Variants in TGFA observed in about 807,000 individuals in gnomAD.
TGFA encodes the protein transforming growth factor alpha, also known as protransforming growth factor alpha.
TGFA carries 12 observed loss-of-function variants against 21.7 expected under a neutral mutation model. That is an observed-to-expected ratio of 0.55 (90% CI 0.35 to 0.90). The LOEUF is 0.90. Among genes scored for constraint, TGFA ranks in the 40% least tolerant of loss-of-function variants. The pLI, the probability that TGFA is intolerant of heterozygous loss-of-function variation, is 0.01. For synonymous variants in TGFA, 79 were observed against 88.1 expected (o/e 0.90, Z 0.58); for missense variants, 178 against 210.8 (o/e 0.84, Z 0.96).
chr2:70,487,367 T>C (rs1290470651), intron 2 of TGFA, among the ~76,000 whole-genome samples: 1 of 152,232 alleles, frequency 6.6e-6, no homozygotes, highest in Non-Finnish European at 1.5e-5. Context: ...TTTGGATTTT[T>C]TCAAATTTTG....
intron 1 of TGFA, among the ~76,000 whole-genome samples, chr2:70,521,514 CGA>C (rs1553502253): frequency 2.0e-5 from 3 of 151,152 alleles, no homozygotes; most frequent in Admixed American, 1.3e-4. Flanking sequence ...AGAGATTAAA[CGA>C]GAGACACATG....
At chr2:70,475,982 T>A (rs888431258) in intron 2 of TGFA, among the ~76,000 whole-genome samples, 3 of 144,944 alleles carry the variant, frequency 2.1e-5, no homozygotes, top group Non-Finnish European at 3.0e-5. Context: ...AAGATCACAC[T>A]CTCTGCCACT....
intron 2 of TGFA, among the ~76,000 whole-genome samples, chr2:70,485,660 T>C (rs1553496486): frequency 6.6e-6 from 1 of 152,176 alleles, no homozygotes; most frequent in African/African-American, 2.4e-5. Context: ...TTGAGACTTT[T>C]TTCCCTCCCT....
At position 70,485,246 on chromosome 2, in the gene TGFA, C is replaced by A. The variant is rs565428314; in HGVS notation, c.95-19510G>T. On this transcript the variant is annotated intron_variant, in intron 2 of 5. Transcript: ENST00000295400. ...CGCCTACCTTCACAGTCATCCCCCC[C>A]CTTTCTTTTTGAGACAGACTCTTGC... Among the ~76,000 whole-genome samples, 20 of 152,244 alleles carry A rather than the reference C, an allele frequency of 1.3e-4. No individual in the cohort carries two copies. In the South Asian group the frequency reaches 2.5e-3, roughly 19 times the overall value.
At chr2:70,461,961 G>A (rs1368124487) in intron 3 of TGFA, among the ~76,000 whole-genome samples, 1 of 151,938 alleles carries the variant, frequency 6.6e-6, no homozygotes, top group East Asian at 1.9e-4. Flanking sequence ...TGTCATTTTA[G>A]GTTCTCTGGA....
At chr2:70,498,100 G>A (rs1671628766) in intron 2 of TGFA, among the ~76,000 whole-genome samples, 1 of 152,108 alleles carries the variant, frequency 6.6e-6, no homozygotes, top group African/African-American at 2.4e-5. Flanking sequence ...TAAATCATTT[G>A]GTGAGATCTC....
At chr2:70,489,496 G>T (rs1472290370) in intron 2 of TGFA, among the ~76,000 whole-genome samples, 1 of 152,220 alleles carries the variant, frequency 6.6e-6, no homozygotes, top group African/African-American at 2.4e-5. Context: ...GGGCGCCCCA[G>T]TCTCCAACTC....
chr2:70,447,520 T>C lies in TGFA; in HGVS notation c.*3339A>G, dbSNP rs1669917068. On this transcript the variant is annotated 3_prime_UTR_variant, in exon 6 of 6. Coordinates refer to ENST00000295400, the MANE Select transcript of TGFA (RefSeq NM_003236.4). Reference sequence around the variant, plus strand: ...ATATTAACCTTTTCAGTGCAACATATACAGACATCAGAGTAAGGAGTTCTA... The same window carrying C: ...ATATTAACCTTTTCAGTGCAACATACACAGACATCAGAGTAAGGAGTTCTA... 1 of 152,528 alleles carries C rather than the reference T, an allele frequency of 6.6e-6. No individual in the cohort carries two copies. The highest frequency in any genetic ancestry group is 1.5e-5 in the Non-Finnish European group (1 of 68,032). The allele number at this position is 152,528 out of a possible 1,614,324, so 9.4% of individuals were successfully genotyped here.
rs527324202 is a variant in TGFA at position 70,552,580 on chromosome 2, C to T, written c.40+1148G>A. Among the ~76,000 whole-genome samples, 22 of 152,274 alleles carry T rather than the reference C, an allele frequency of 1.4e-4. 1 individual carries two copies. Among genetic ancestry groups the T allele is most frequent in the Admixed American group, 1.2e-3 (19 of 15,292 alleles). ...CTGGGAGCATCCGGTTCCAAGACTG[C>T]CTTGTATTTCTCTTACAGGATGCCT... On this transcript the variant is annotated intron_variant, in intron 1 of 5. Coordinates refer to ENST00000295400, the MANE Select transcript of TGFA (RefSeq NM_003236.4).
chr2:70,552,938 C>T (rs1553507017), intron 1 of TGFA, among the ~76,000 whole-genome samples: 3 of 152,216 alleles, frequency 2.0e-5, no homozygotes, highest in Non-Finnish European at 1.5e-5. Context: ...TGCGCCCTCA[C>T]CGCGTCCAGA....
chr2:70,553,648 C>T (rs782247207), intron 1 of TGFA, 80 bp downstream of exon 1: 7 of 1,313,838 alleles, frequency 5.3e-6, no homozygotes, highest in Non-Finnish European at 6.8e-6. Context: ...CGCAGAAACC[C>T]CCGGAAAGGG....
At chr2:70,484,175 C>A (rs1671206526) in intron 2 of TGFA, among the ~76,000 whole-genome samples, 1 of 152,212 alleles carries the variant, frequency 6.6e-6, no homozygotes, top group African/African-American at 2.4e-5. Context: ...ATCAAGACTG[C>A]ATTCACAGAA....
intron 2 of TGFA, among the ~76,000 whole-genome samples, chr2:70,503,325 C>CA (rs1553499489): frequency 1.4e-5 from 2 of 145,138 alleles, no homozygotes; most frequent in South Asian, 2.2e-4. Context: ...ATCACAAGGA[C>CA]AAAAAACCAA....
chr2:70,537,663 T>A (rs1673012916), intron 1 of TGFA, among the ~76,000 whole-genome samples: 1 of 152,174 alleles, frequency 6.6e-6, no homozygotes, highest in Non-Finnish European at 1.5e-5. Context: ...AAGCCCCTAG[T>A]TCTTTGATTC....
chr2:70,466,246 C>T (rs914747390), intron 2 of TGFA, among the ~76,000 whole-genome samples: 3 of 152,336 alleles, frequency 2.0e-5, no homozygotes, highest in East Asian at 3.9e-4. Flanking sequence ...CGGTGGCTCA[C>T]GCCTGTAATC....
At chr2:70,512,890 C>G (rs1672147196) in intron 2 of TGFA, among the ~76,000 whole-genome samples, 1 of 152,212 alleles carries the variant, frequency 6.6e-6, no homozygotes, top group South Asian at 2.1e-4. Flanking sequence ...CAGTGGAGAA[C>G]ATGGCTCTTG....
In TGFA at chr2:70,521,609, G is replaced by GTTTTTTTTTTTTT. The variant is rs797022948; in HGVS notation, c.41-6698_41-6697insAAAAAAAAAAAAA. ...ACTATTGATAGTTTTTTTTGTTGTT[G>GTTTTTTTTTTTTT]TTTGTTTGTTTTTTTTTTTTTTTTT... On this transcript the variant is annotated intron_variant, in intron 1 of 5. Transcript: ENST00000295400. 2.7e-3 allele frequency among the ~76,000 whole-genome samples: 213 copies of GTTTTTTTTTTTTT among 78,780 alleles called. 22 individuals are homozygous for GTTTTTTTTTTTTT. Among genetic ancestry groups the GTTTTTTTTTTTTT allele is most frequent in the East Asian group, 4.0e-3 (10 of 2,504 alleles). 51.7% of individuals were successfully genotyped at this position (78,780 alleles called of 152,430 possible).
At chr2:70,509,727 G>A (rs182482222) in intron 2 of TGFA, among the ~76,000 whole-genome samples, 207 of 152,236 alleles carry the variant, frequency 1.4e-3, no homozygotes, top group African/African-American at 4.5e-3. Flanking sequence ...GCTGGTTCCC[G>A]GGCGCCTGAG....
intron 2 of TGFA, among the ~76,000 whole-genome samples, chr2:70,480,577 C>T (rs868947642): frequency 2.6e-5 from 4 of 152,090 alleles, no homozygotes; most frequent in Admixed American, 1.3e-4. Flanking sequence ...TGCTTATGGA[C>T]GTTTTCTACA....
Sources: gnomAD v4.1 joint callset for allele counts (sites outside exome capture counted in the v4.1 genomes callset) on GRCh38, gnomAD v4.1.1 for gene constraint, MANE v1.5 for transcripts, NCBI Gene and HGNC (gene_info 2026-07-23, HGNC 2026-07-21) for gene names.